ST7: variants seen among roughly 807,000 people sequenced by gnomAD.
ST7 encodes suppression of tumorigenicity 7.
Under a neutral mutation model 78.7 loss-of-function variants are expected in ST7, and 28 were observed. The observed-to-expected ratio is 0.36, with a 90% CI of 0.26 to 0.49. The LOEUF is 0.49. ST7 is among the 20% of genes least tolerant of loss of function. ST7 has a pLI of 0.99. For synonymous variants in ST7, 247 were observed against 249.6 expected (o/e 0.99, Z 0.10); for missense variants, 418 against 696.0 (o/e 0.60, Z 4.49).
chr7:116,988,407 T>C (rs1156290192), intron 1 of ST7, among the ~76,000 whole-genome samples: 1 of 152,238 alleles, frequency 6.6e-6, no homozygotes, highest in East Asian at 1.9e-4. Context: ...CTGGTTCGCT[T>C]GAAGCCAATA....
intron 1 of ST7, among the ~76,000 whole-genome samples, chr7:117,034,786 A>T (rs1294857070): frequency 6.6e-6 from 1 of 152,220 alleles, no homozygotes; most frequent in Non-Finnish European, 1.5e-5. Flanking sequence ...TAGATGGATT[A>T]AGTGGAATTT....
intron 1 of ST7, among the ~76,000 whole-genome samples, chr7:117,009,882 AT>A (rs1795318378): frequency 6.6e-6 from 1 of 152,146 alleles, no homozygotes; most frequent in East Asian, 1.9e-4. Flanking sequence ...CCCTACAACC[AT>A]GTAAGAGATC....
chr7:117,179,118 G>C (rs139823218), intron 10 of ST7, among the ~76,000 whole-genome samples: 73 of 152,218 alleles, frequency 4.8e-4, no homozygotes, highest in African/African-American at 1.5e-3. Flanking sequence ...AACTCTGCTG[G>C]AACTGTAAGC....
Position 117,078,525 on chromosome 7 carries a change from CA to C in ST7, c.152-21236del, listed in dbSNP as rs1307556815. On this transcript the variant is annotated intron_variant, in intron 1 of 15. Transcript: ENST00000323984. ...TATTATGCTATTATCAATTTGTTAC[CA>C]TGCAGTAATCATGCAGTTTTAAGTT... Among the ~76,000 whole-genome samples, 3 of 152,050 alleles carry C rather than the reference CA, an allele frequency of 2.0e-5. No individual in the cohort carries two copies. In the East Asian group the frequency reaches 5.8e-4, roughly 29 times the overall value.
At chr7:117,109,396 C>G (rs2116871626) in intron 2 of ST7, among the ~76,000 whole-genome samples, 1 of 152,190 alleles carries the variant, frequency 6.6e-6, no homozygotes, top group Non-Finnish European at 1.5e-5. Context: ...CAACTGATAC[C>G]ACAGAAATAC....
At chr7:116,954,403 T>G (rs1274709143) in intron 1 of ST7, 5 of 152,440 alleles carry the variant, frequency 3.3e-5, no homozygotes, top group Admixed American at 1.3e-4. Context: ...AGCTGGAATT[T>G]CTGAGGGTTT....
chr7:117,078,512 A>G (rs952765307), intron 1 of ST7, among the ~76,000 whole-genome samples: 1 of 152,234 alleles, frequency 6.6e-6, no homozygotes, highest in East Asian at 1.9e-4. Context: ...TTATGCTATT[A>G]TCAATTTGTT....
At chr7:117,155,697 A>G (rs868403581) in intron 9 of ST7, among the ~76,000 whole-genome samples, 32 of 152,174 alleles carry the variant, frequency 2.1e-4, no homozygotes, top group African/African-American at 5.8e-4. Context: ...TCTTAATTCT[A>G]TCTCCACATA....
chr7:117,031,230 C>G (rs1169931584), intron 1 of ST7, among the ~76,000 whole-genome samples: 1 of 151,454 alleles, frequency 6.6e-6, no homozygotes, highest in African/African-American at 2.4e-5. Context: ...AAAAAAAAAC[C>G]CACAAAAAAC....
chr7:117,114,479 A>G (rs1167776707), intron 2 of ST7, among the ~76,000 whole-genome samples: 5 of 151,378 alleles, frequency 3.3e-5, no homozygotes, highest in African/African-American at 9.7e-5. Flanking sequence ...CAATCTTTCT[A>G]TCTAGGAGTA....
chr7:117,039,304 A>G (rs910191961), intron 1 of ST7, among the ~76,000 whole-genome samples: 1 of 152,226 alleles, frequency 6.6e-6, no homozygotes, highest in Non-Finnish European at 1.5e-5. Flanking sequence ...TTGGCTGGGT[A>G]TGATGGCTCA....
intron 15 of ST7, among the ~76,000 whole-genome samples, chr7:117,226,127 T>C (rs1216799402): frequency 6.6e-6 from 1 of 152,150 alleles, no homozygotes; most frequent in Non-Finnish European, 1.5e-5. Context: ...CTGATATTGA[T>C]TACCGTGAAA....
chr7:117,131,945 C>G lies in ST7; in HGVS notation c.626C>G (p.Ala209Gly). The change falls in exon 6 of 16, where the codon GCC (alanine) becomes GGC (glycine). Residue 209 changes from alanine (A) to glycine (G), a missense_variant. This residue lies in a region of ST7 where 288 missense variants were observed against 537.1 expected (regional missense o/e 0.54). Transcript: ENST00000323984. ...GCTAGGATTTCTGCAGCTCATGAAG[C>G]CTTGGAGATAAATGAGTAAGTGGGG... The part of the protein sequence containing the change: ...PQARISAAHE[A>G]LEINEIRSRV... 1 of 1,611,224 alleles carries G rather than the reference C, an allele frequency of 6.2e-7. No individual in the cohort carries two copies. Among genetic ancestry groups the G allele is most frequent in the East Asian group, 2.2e-5 (1 of 44,802 alleles).
At chr7:117,200,631 C>T (rs755543474) in intron 12 of ST7, among the ~76,000 whole-genome samples, 4 of 152,002 alleles carry the variant, frequency 2.6e-5, no homozygotes, top group Non-Finnish European at 5.9e-5. Context: ...GAGGAGGGTG[C>T]CACACTCCCA....
chr7:117,079,126 A>G (rs1234212803), intron 1 of ST7, among the ~76,000 whole-genome samples: 2 of 152,254 alleles, frequency 1.3e-5, no homozygotes, highest in Non-Finnish European at 2.9e-5. Context: ...AAACATGGAT[A>G]GCATTTGTTT....
chr7:117,221,216 A>G (rs1793065373), intron 14 of ST7, among the ~76,000 whole-genome samples: 1 of 152,218 alleles, frequency 6.6e-6, no homozygotes, highest in Non-Finnish European at 1.5e-5. Flanking sequence ...TAAAAATTAT[A>G]GAGGGCACTC....
chr7:117,092,787 G>A (rs888937400), intron 1 of ST7, among the ~76,000 whole-genome samples: 1 of 152,172 alleles, frequency 6.6e-6, no homozygotes, highest in Non-Finnish European at 1.5e-5. Flanking sequence ...CACATTTTCA[G>A]TAACTAAATC....
intron 5 of ST7, 145 bp from the exon 6 acceptor site, chr7:117,131,740 C>G: frequency 4.3e-6 from 3 of 698,940 alleles, no homozygotes; most frequent in Non-Finnish European, 7.3e-6. Flanking sequence ...ACTAATATGA[C>G]TTTGGAGATT....
At chr7:116,971,121 A>G (rs1488197248) in intron 1 of ST7, among the ~76,000 whole-genome samples, 1 of 152,110 alleles carries the variant, frequency 6.6e-6, no homozygotes, top group African/African-American at 2.4e-5. Context: ...AAATCAGTAA[A>G]CTGCCAGCCC....
Sources: allele counts gnomAD v4.1 joint callset (sites outside exome capture counted in the v4.1 genomes callset), GRCh38; gene constraint gnomAD v4.1.1; regional missense constraint gnomAD v4.1.1; transcripts MANE v1.5; gene names NCBI Gene and HGNC (gene_info 2026-07-23, HGNC 2026-07-21).